AEN: variants seen among roughly 807,000 people sequenced by gnomAD.
AEN encodes the protein apoptosis enhancing nuclease, also known as apoptosis-enhancing nuclease.
In AEN, 21 loss-of-function variants were observed where a neutral mutation model predicts 17.7. The observed-to-expected ratio is 1.19, with a 90% CI of 0.84 to 1.71. The LOEUF (loss-of-function observed/expected upper bound fraction) is 1.71, where lower values mean the gene tolerates loss of function less well. AEN is among the 40% of genes most tolerant of loss of function. The probability of loss-of-function intolerance (pLI) is 0.00; values close to 1 mark genes in which losing one functional copy is unlikely to be tolerated. For missense variants in AEN, 462 were observed against 435.9 expected (o/e 1.06, Z -0.53); for synonymous variants, 190 against 173.0 (o/e 1.10, Z -0.77).
At chr15:88,629,070 C>G (rs2057890940) in intron 2 of AEN, 156 bp from the exon 3 acceptor site, 1 of 715,824 alleles carries the variant, frequency 1.4e-6, no homozygotes, top group South Asian at 1.7e-5. Context: ...AGACTTGGGG[C>G]AGCATGGTTG....
the AEN span, among the ~76,000 whole-genome samples, chr15:88,611,436 A>T: frequency 1.3e-4 from 17 of 131,560 alleles, no homozygotes; most frequent in African/African-American, 6.3e-4. Context: ...TCTTTACTAA[A>T]AAAAAAAAAA....
At chr15:88,615,793 G>C in the AEN span, among the ~76,000 whole-genome samples, 1 of 152,196 alleles carries the variant, frequency 6.6e-6, no homozygotes, top group Non-Finnish European at 1.5e-5. Flanking sequence ...AAATTGAGCA[G>C]ATCAACACTC....
intron 1 of AEN, among the ~76,000 whole-genome samples, chr15:88,622,005 T>A (rs907233439): frequency 3.9e-5 from 6 of 152,122 alleles, no homozygotes; most frequent in African/African-American, 1.4e-4. Flanking sequence ...CAGCCCTCGG[T>A]TGATGGTGAA....
At chr15:88,610,195 G>T in the AEN span, among the ~76,000 whole-genome samples, 1,789 of 152,148 alleles carry the variant, frequency 0.012, 33 homozygotes, top group African/African-American at 0.041. Context: ...TAACCAAGGG[G>T]TTACCTTAGT....
the AEN span, among the ~76,000 whole-genome samples, chr15:88,607,646 T>C: frequency 2.0e-5 from 3 of 152,244 alleles, no homozygotes; most frequent in Non-Finnish European, 4.4e-5. Context: ...AGGCAGGAAC[T>C]GTGATATCTT....
rs898432693 is a variant in AEN at position 88,621,410 on chromosome 15, G to T, written c.-65+28G>T. On this transcript the variant is annotated intron_variant, in intron 1 of 3. Coordinates refer to ENST00000332810, the MANE Select transcript of AEN (RefSeq NM_022767.4). ...GAGATCCAGGACCCTGCACCGGGGC[G>T]GCGGGGTCGGGCGGGCTGAGGCCGC... 5 of 152,534 alleles carry T rather than the reference G, an allele frequency of 3.3e-5. No individual in the cohort carries two copies. In the South Asian group the frequency reaches 1.0e-3, roughly 32 times the overall value. 9.4% of individuals were successfully genotyped at this position (152,534 alleles called of 1,614,324 possible).
At chr15:88,615,148 G>A in the AEN span, among the ~76,000 whole-genome samples, 38 of 152,162 alleles carry the variant, frequency 2.5e-4, 2 homozygotes, top group Admixed American at 5.2e-4. Context: ...ACAGGCGTGA[G>A]CCACCGCGCC....
At chr15:88,627,757 C>G (rs926919201) in intron 2 of AEN, 8 of 152,174 alleles carry the variant, frequency 5.3e-5, no homozygotes, top group African/African-American at 1.9e-4. Context: ...CAGTTGGATG[C>G]AGTTTTCTGC....
At position 88,630,909 on chromosome 15, in the gene AEN, C is replaced by CTGACAGGCCATT; in HGVS notation, c.*615_*616insTGACAGGCCATT. ...CTGGCTACAGCCATTGTAGGAACTCCGTGCCTGGCCTGTCAGCTCCCTGCT... is the reference window on the plus strand; with the variant it reads ...CTGGCTACAGCCATTGTAGGAACTCCTGACAGGCCATTGTGCCTGGCCTGTCAGCTCCCTGCT... On this transcript the variant is annotated 3_prime_UTR_variant, in exon 4 of 4. Coordinates refer to ENST00000332810, the MANE Select transcript of AEN (RefSeq NM_022767.4). This position sits in a 1 kb window ranked among gnomAD's most constrained non-coding sequence, Gnocchi z 5.1. 3.3e-6 allele frequency: 1 copy of CTGACAGGCCATT among 305,936 alleles called. No homozygotes were observed. Among genetic ancestry groups the CTGACAGGCCATT allele is most frequent in the Non-Finnish European group, 6.7e-6 (1 of 148,324 alleles). The allele number at this position is 305,936 out of a possible 1,614,324, so 19.0% of individuals were successfully genotyped here.
the AEN span, among the ~76,000 whole-genome samples, chr15:88,612,846 C>T: frequency 6.6e-6 from 1 of 152,014 alleles, no homozygotes; most frequent in South Asian, 2.1e-4. Flanking sequence ...GGGGATCTGC[C>T]CACCTCGGTC....
upstream of AEN, among the ~76,000 whole-genome samples, chr15:88,618,063 C>T (rs1034878893): frequency 6.6e-6 from 1 of 152,174 alleles, no homozygotes; most frequent in South Asian, 2.1e-4. Flanking sequence ...TGGTTTACTC[C>T]TTCCTATAAA....
the AEN span, among the ~76,000 whole-genome samples, chr15:88,607,563 C>T: frequency 3.3e-5 from 5 of 152,170 alleles, no homozygotes; most frequent in Admixed American, 3.3e-4. Context: ...GCAACAATAA[C>T]AACAACAAAA....
At chr15:88,620,344 T>A, upstream of AEN, among the ~76,000 whole-genome samples, 1 of 152,182 alleles carries the variant, frequency 6.6e-6, no homozygotes, top group Admixed American at 6.5e-5. Context: ...CGTGCTCACA[T>A]AATACGTGTG....
the AEN span, among the ~76,000 whole-genome samples, chr15:88,607,566 C>G: frequency 6.6e-6 from 1 of 152,314 alleles, no homozygotes; most frequent in Admixed American, 6.5e-5. Context: ...ACAATAACAA[C>G]AACAAAAAGA....
intron 2 of AEN, 170 bp downstream of exon 2, chr15:88,626,919 T>C (rs1463750489): frequency 2.7e-6 from 2 of 745,776 alleles, no homozygotes; most frequent in Admixed American, 2.9e-5. Flanking sequence ...AAAAATAAAA[T>C]CCTGACCTTG....
the AEN span, among the ~76,000 whole-genome samples, chr15:88,613,405 T>C: frequency 1.3e-5 from 2 of 152,124 alleles, no homozygotes; most frequent in African/African-American, 4.8e-5. Flanking sequence ...AGTCTGCAAA[T>C]TGGTGTCACT....
the AEN span, chr15:88,611,769 C>A: frequency 2.4e-6 from 1 of 414,138 alleles, no homozygotes; most frequent in Non-Finnish European, 4.9e-6. Context: ...GCATCCAGAC[C>A]GCTGACCTGG....
the AEN span, among the ~76,000 whole-genome samples, chr15:88,607,073 C>G: frequency 3.9e-5 from 6 of 152,128 alleles, no homozygotes; most frequent in African/African-American, 1.4e-4. Flanking sequence ...TCATCCCTGC[C>G]CCACTAAACC....
intron 1 of AEN, 63 bp from the exon 2 acceptor site, chr15:88,626,083 A>AGGGT: frequency 1.1e-6 from 1 of 901,426 alleles, no homozygotes; most frequent in Non-Finnish European, 1.5e-6. Flanking sequence ...GGAGGGAGGG[A>AGGGT]GGGTGGGTGG....
Sources: gnomAD v4.1 joint callset for allele counts (sites outside exome capture counted in the v4.1 genomes callset) on GRCh38, gnomAD v4.1.1 for gene constraint, Gnocchi (gnomAD v3.1) non-coding constraint, MANE v1.5 for transcripts, NCBI Gene and HGNC (gene_info 2026-07-23, HGNC 2026-07-21) for gene names.